Variants in FAR2 observed in about 807,000 individuals in gnomAD.
FAR2 encodes epididymis secretory protein Li 81.
FAR2 carries 19 observed loss-of-function variants against 56.0 expected under a neutral mutation model. That is an observed-to-expected ratio of 0.34 (90% CI 0.24 to 0.50). The LOEUF (loss-of-function observed/expected upper bound fraction) is 0.50. Ranked by LOEUF, FAR2 falls within the 20% of genes least tolerant of loss-of-function variation. The pLI is 0.98. For synonymous variants in FAR2, 219 were observed against 218.8 expected (o/e 1.00, Z -0.01); for missense variants, 508 against 642.2 (o/e 0.79, Z 2.26).
intron 1 of FAR2, among the ~76,000 whole-genome samples, chr12:29,183,084 A>C (rs778095698): frequency 4.6e-5 from 7 of 152,056 alleles, no homozygotes; most frequent in Non-Finnish European, 7.4e-5. Context: ...ATTGCATTCC[A>C]GTCCTCATTA....
chr12:29,273,960 A>G (rs1422788081), intron 2 of FAR2, among the ~76,000 whole-genome samples: 2 of 152,148 alleles, frequency 1.3e-5, no homozygotes, highest in African/African-American at 4.8e-5. Context: ...TTGGTGGGTC[A>G]CACCAGCCTT....
intron 2 of FAR2, among the ~76,000 whole-genome samples, chr12:29,289,448 A>G (rs1948926246): frequency 6.6e-6 from 1 of 152,204 alleles, no homozygotes; most frequent in Non-Finnish European, 1.5e-5. Flanking sequence ...CAGAAAAGAC[A>G]GCCTCTTCAA....
chr12:29,302,539 G>T (rs1486998942), intron 4 of FAR2, among the ~76,000 whole-genome samples: 3 of 151,976 alleles, frequency 2.0e-5, no homozygotes, highest in Non-Finnish European at 2.9e-5. Flanking sequence ...GTGTAGGGAA[G>T]AAGTTAGAGA....
chr12:29,329,627 C>T (rs1949701790), intron 10 of FAR2, among the ~76,000 whole-genome samples: 1 of 152,096 alleles, frequency 6.6e-6, no homozygotes, highest in Admixed American at 6.5e-5. Flanking sequence ...ATTAATGATA[C>T]TATGAAAACC....
At chr12:29,214,918 T>C (rs1947603280) in intron 1 of FAR2, among the ~76,000 whole-genome samples, 1 of 151,898 alleles carries the variant, frequency 6.6e-6, no homozygotes, top group Non-Finnish European at 1.5e-5. Context: ...ATTAGATTAG[T>C]GGGTGGCTAG....
intron 1 of FAR2, among the ~76,000 whole-genome samples, chr12:29,194,182 T>G (rs761080751): frequency 6.6e-6 from 1 of 152,132 alleles, no homozygotes; most frequent in Non-Finnish European, 1.5e-5. Flanking sequence ...TGTGTTTCCT[T>G]TATAGTTAAT....
chr12:29,186,569 G>A (rs992763225), intron 1 of FAR2, among the ~76,000 whole-genome samples: 39 of 152,106 alleles, frequency 2.6e-4, no homozygotes, highest in African/African-American at 8.4e-4. Context: ...AGTCACTTGA[G>A]TATTTTTTTT....
At chr12:29,282,683 C>T (rs550732640) in intron 2 of FAR2, among the ~76,000 whole-genome samples, 64 of 152,168 alleles carry the variant, frequency 4.2e-4, no homozygotes, top group Middle Eastern at 3.4e-3. Flanking sequence ...GAAATGTGAT[C>T]AAAAGGACAT....
Position 29,293,447 on chromosome 12 carries a change from G to T in FAR2, c.337G>T (p.Ala113Ser). ...SCTNIIFHCA[A>S]TVRFDDTLRH... The stretch of plus-strand genomic sequence containing the variant: ...TACAAACATAATATTTCACTGTGCA[G>T]CCACTGTACGCTTTGACGACACTCT... Residue 113 changes from alanine (A) to serine (S), a missense_variant, in exon 3 of 12, where the codon GCC becomes TCC. Coordinates refer to ENST00000536681, the MANE Select transcript of FAR2 (RefSeq NM_001271783.2). 6.3e-7 allele frequency: 1 copy of T among 1,589,550 alleles called. No homozygotes were observed. The highest frequency in any genetic ancestry group is 8.6e-7 in the Non-Finnish European group (1 of 1,168,830).
chr12:29,309,095 G>C, intron 5 of FAR2, 91 bp from the exon 6 acceptor site: 2 of 899,572 alleles, frequency 2.2e-6, no homozygotes, highest in Non-Finnish European at 3.6e-6. Context: ...CAGTGCTCTT[G>C]TTTGAAATTT....
chr12:29,235,599 T>C (rs1305841087), intron 1 of FAR2, among the ~76,000 whole-genome samples: 1 of 152,196 alleles, frequency 6.6e-6, no homozygotes, highest in Non-Finnish European at 1.5e-5. Flanking sequence ...CTGAGCTTTT[T>C]TCTCCTGTGG....
chr12:29,227,484 A>G (rs912190607), intron 1 of FAR2, among the ~76,000 whole-genome samples: 5 of 152,172 alleles, frequency 3.3e-5, no homozygotes, highest in Non-Finnish European at 2.9e-5. Flanking sequence ...GATTTCAGTT[A>G]TGAGGAAGAA....
chr12:29,281,855 C>G (rs1183647201), intron 2 of FAR2, among the ~76,000 whole-genome samples: 1 of 150,672 alleles, frequency 6.6e-6, no homozygotes, highest in Admixed American at 6.6e-5. Flanking sequence ...TGGCAACACA[C>G]GGAAAAGTTA....
intron 1 of FAR2, among the ~76,000 whole-genome samples, chr12:29,150,264 A>G (rs1949671886): frequency 6.6e-6 from 1 of 152,228 alleles, no homozygotes; most frequent in African/African-American, 2.4e-5. Flanking sequence ...CTCACCTGCC[A>G]GCGGTGGCAC....
At chr12:29,215,996 G>A (rs1947617141) in intron 1 of FAR2, among the ~76,000 whole-genome samples, 1 of 152,088 alleles carries the variant, frequency 6.6e-6, no homozygotes, top group Non-Finnish European at 1.5e-5. Context: ...TCTCTGGGCT[G>A]AGTTAGGGCA....
intron 1 of FAR2, among the ~76,000 whole-genome samples, chr12:29,240,420 G>A (rs74076684): frequency 0.02 from 3,074 of 152,156 alleles, 90 homozygotes; most frequent in African/African-American, 0.069. Flanking sequence ...TCCAATGGCC[G>A]ACGCTGCTCC....
At chr12:29,312,910 A>G (rs536697932) in intron 8 of FAR2, among the ~76,000 whole-genome samples, 19 of 152,078 alleles carry the variant, frequency 1.2e-4, no homozygotes, top group Non-Finnish European at 2.4e-4. Flanking sequence ...GAATTGAAAA[A>G]TGCTTTTCCA....
chr12:29,208,751 T>A lies in FAR2; in HGVS notation c.-39+59344T>A, dbSNP rs554310498. The stretch of plus-strand genomic sequence containing the variant: ...TAAATGAATGCTAAAGTGAGAGATG[T>A]TTACAACAGCTGCAGGACACATTCT... On this transcript the variant is annotated intron_variant, in intron 1 of 11. Transcript: ENST00000536681. Among the ~76,000 whole-genome samples the A allele has an allele frequency of 1.5e-3, 221 of 152,194 alleles. 1 individual carries two copies. The South Asian group carries it at 0.021, about 15-fold the overall frequency.
chr12:29,332,622 A>G lies in FAR2; in HGVS notation c.1280A>G (p.Gln427Arg), dbSNP rs1241838506. The G allele has an allele frequency of 6.2e-7, 1 of 1,613,772 alleles. No individual in the cohort carries two copies. Among genetic ancestry groups the G allele is most frequent in the African/African-American group, 1.3e-5 (1 of 75,056 alleles). ...CAGGTATTCAACTTTGACGTGCGCCAGTTGAACTGGTTGGAATACATTGAA... is the reference window on the plus strand; with the variant it reads ...CAGGTATTCAACTTTGACGTGCGCCGGTTGAACTGGTTGGAATACATTGAA... Reference protein sequence around the residue: ...DQRVFNFDVRQLNWLEYIENY... With the variant: ...DQRVFNFDVRRLNWLEYIENY... The change falls in exon 11 of 12, where the codon CAG becomes CGG. Residue 427 changes from glutamine to arginine, a missense_variant. Transcript: ENST00000536681.
Sources: gnomAD v4.1 joint callset for allele counts (sites outside exome capture counted in the v4.1 genomes callset) on GRCh38, gnomAD v4.1.1 for gene constraint, MANE v1.5 for transcripts, NCBI Gene and HGNC (gene_info 2026-07-23, HGNC 2026-07-21) for gene names.